The following FBXO34 variants were observed in gnomAD, a reference collection of about 807,000 sequenced individuals.
The protein encoded by FBXO34 is F-box only protein 34.
In FBXO34, 12 loss-of-function variants were observed where a neutral mutation model predicts 24.5. That is an observed-to-expected ratio of 0.49 (90% CI 0.31 to 0.79). FBXO34 has a LOEUF of 0.79. Ranked by LOEUF, FBXO34 falls within the 30% of genes least tolerant of loss-of-function variation. FBXO34 has a pLI of 0.04. For synonymous variants in FBXO34, 320 were observed against 311.9 expected (o/e 1.03, Z -0.27); for missense variants, 823 against 857.7 (o/e 0.96, Z 0.51).
At chr14:55,300,642 A>G (rs561608121) in intron 1 of FBXO34, among the ~76,000 whole-genome samples, 7 of 152,282 alleles carry the variant, frequency 4.6e-5, no homozygotes, top group Admixed American at 2.6e-4. Context: ...CAGAGTCTGG[A>G]TTTTAATGAT....
the FBXO34 span, chr14:55,394,833 C>T: frequency 3.3e-6 from 1 of 306,540 alleles, no homozygotes; most frequent in African/African-American, 2.2e-5. Context: ...AACTAACCCC[C>T]CAACTACGGA....
the FBXO34 span, among the ~76,000 whole-genome samples, chr14:55,378,417 A>C: frequency 6.6e-6 from 1 of 152,172 alleles, no homozygotes; most frequent in Non-Finnish European, 1.5e-5. Flanking sequence ...ACAGAAAGGC[A>C]AACTATACAA....
the FBXO34 span, among the ~76,000 whole-genome samples, chr14:55,380,204 C>T: frequency 4.6e-5 from 7 of 151,986 alleles, no homozygotes; most frequent in East Asian, 1.9e-4. Context: ...GCAGAGATTG[C>T]GCCACTGCAC....
the FBXO34 span, among the ~76,000 whole-genome samples, chr14:55,442,166 A>G: frequency 2.6e-5 from 4 of 151,232 alleles, no homozygotes; most frequent in African/African-American, 4.9e-5. Flanking sequence ...AGGCAGGTGG[A>G]TCACCTGAGG....
At chr14:55,364,991 C>T (rs1029733224), downstream of FBXO34, among the ~76,000 whole-genome samples, 6 of 147,472 alleles carry the variant, frequency 4.1e-5, 1 homozygote, top group African/African-American at 1.3e-4. Context: ...GAGGCCGAGG[C>T]GAGCAGATCA....
At chr14:55,309,754 A>T (rs188770436) in intron 1 of FBXO34, among the ~76,000 whole-genome samples, 1 of 152,332 alleles carries the variant, frequency 6.6e-6, no homozygotes, top group East Asian at 1.9e-4. Flanking sequence ...AAGAAATGGT[A>T]ATAATTTCTT....
intron 1 of FBXO34, chr14:55,298,950 G>C (rs2139701409): frequency 1.3e-6 from 2 of 1,586,704 alleles, no homozygotes; most frequent in South Asian, 1.1e-5. Flanking sequence ...TGCAGCCAAG[G>C]CCAAGAAGGC....
At chr14:55,374,341 A>G (rs983472998), downstream of FBXO34, among the ~76,000 whole-genome samples, 1 of 151,976 alleles carries the variant, frequency 6.6e-6, no homozygotes, top group South Asian at 2.1e-4. Context: ...GACTACTTAC[A>G]TTTCTTGTGT....
chr14:55,404,317 A>T, the FBXO34 span, among the ~76,000 whole-genome samples: 1 of 152,136 alleles, frequency 6.6e-6, no homozygotes, highest in Non-Finnish European at 1.5e-5. Flanking sequence ...CTTAACCACA[A>T]CCCTGATCCC....
chr14:55,396,535 A>G, the FBXO34 span, among the ~76,000 whole-genome samples: 1 of 152,208 alleles, frequency 6.6e-6, no homozygotes, highest in African/African-American at 2.4e-5. Flanking sequence ...CTTGGGTTAC[A>G]CTTTGGGAAT....
the FBXO34 span, among the ~76,000 whole-genome samples, chr14:55,417,968 T>C: frequency 6.6e-6 from 1 of 152,214 alleles, no homozygotes; most frequent in Non-Finnish European, 1.5e-5. Flanking sequence ...GTTTTCTTAC[T>C]TGTAAAATAA....
chr14:55,272,678 T>C (rs1309953765), intron 1 of FBXO34, among the ~76,000 whole-genome samples: 1 of 151,722 alleles, frequency 6.6e-6, no homozygotes, highest in Non-Finnish European at 1.5e-5. Context: ...TTGTCTTAAA[T>C]AATAATTACC....
chr14:55,401,161 T>C, the FBXO34 span, among the ~76,000 whole-genome samples: 1 of 152,092 alleles, frequency 6.6e-6, no homozygotes, highest in South Asian at 2.1e-4. Context: ...AATTCATTTA[T>C]TTGCATTTAT....
the FBXO34 span, chr14:55,378,134 T>C: frequency 3.4e-6 from 5 of 1,474,682 alleles, no homozygotes; most frequent in East Asian, 7.0e-5. Context: ...TATGTTAAAA[T>C]TTCCATTTAC....
intron 1 of FBXO34, among the ~76,000 whole-genome samples, chr14:55,343,618 A>G (rs1884062882): frequency 6.6e-6 from 1 of 152,158 alleles, no homozygotes; most frequent in South Asian, 2.1e-4. Flanking sequence ...TGGAATTAGC[A>G]TTCCTGTGCC....
At chr14:55,372,782 T>C (rs1045421540), downstream of FBXO34, among the ~76,000 whole-genome samples, 1 of 152,080 alleles carries the variant, frequency 6.6e-6, no homozygotes, top group Admixed American at 6.5e-5. Context: ...TCTCCAATCC[T>C]GGGGTCTTAG....
At chr14:55,388,158 T>TG in the FBXO34 span, among the ~76,000 whole-genome samples, 2 of 152,108 alleles carry the variant, frequency 1.3e-5, no homozygotes, top group Non-Finnish European at 2.9e-5. Context: ...CAACAACATC[T>TG]CTTTGCCATC....
At chr14:55,322,525 G>A (rs527614343) in intron 1 of FBXO34, among the ~76,000 whole-genome samples, 4 of 152,124 alleles carry the variant, frequency 2.6e-5, no homozygotes, top group South Asian at 2.1e-4. Context: ...TTGATGAGAC[G>A]GGGTCTCGCT....
intron 1 of FBXO34, among the ~76,000 whole-genome samples, chr14:55,329,319 A>G (rs1883457269): frequency 6.6e-6 from 1 of 152,050 alleles, no homozygotes; most frequent in Admixed American, 6.5e-5. Flanking sequence ...GGGGAGAATT[A>G]GTTGGTAATG....
Sources: gnomAD v4.1 joint callset for allele counts (sites outside exome capture counted in the v4.1 genomes callset) on GRCh38, gnomAD v4.1.1 for gene constraint, MANE v1.5 for transcripts, NCBI Gene and HGNC (gene_info 2026-07-23, HGNC 2026-07-21) for gene names.